Variants in UBAC2 observed in about 807,000 individuals in gnomAD.
UBAC2 encodes UBA domain containing 2, also known as ubiquitin-associated domain-containing protein 2.
UBAC2 carries 26 observed loss-of-function variants against 44.0 expected under a neutral mutation model. The ratio of observed to expected loss-of-function variants is 0.59; its 90% CI spans 0.43 to 0.82. UBAC2 has a LOEUF of 0.82. Ranked by LOEUF, UBAC2 falls within the 40% of genes least tolerant of loss-of-function variation. The pLI is 0.00. For missense variants in UBAC2, 329 were observed against 419.4 expected (o/e 0.78, Z 1.88); for synonymous variants, 155 against 154.3 (o/e 1.00, Z -0.04).
intron 4 of UBAC2, chr13:99,258,317 G>A (rs2043603679): frequency 6.6e-6 from 1 of 152,346 alleles, no homozygotes; most frequent in Non-Finnish European, 1.5e-5. Flanking sequence ...GCTTTAAAAA[G>A]TAGTTTCCAG....
chr13:99,282,519 AT>A (rs2043966841), intron 4 of UBAC2, among the ~76,000 whole-genome samples: 1 of 152,230 alleles, frequency 6.6e-6, no homozygotes, highest in Non-Finnish European at 1.5e-5. Context: ...GACTTCAAAC[AT>A]TTGAGTGTGT....
chr13:99,235,604 C>G (rs1443093486), intron 1 of UBAC2, among the ~76,000 whole-genome samples: 1 of 152,108 alleles, frequency 6.6e-6, no homozygotes, highest in Non-Finnish European at 1.5e-5. Flanking sequence ...ATTAGAAGAC[C>G]AAGATACAAA....
chr13:99,344,112 A>G (rs1283931001), intron 7 of UBAC2, among the ~76,000 whole-genome samples: 1 of 152,196 alleles, frequency 6.6e-6, no homozygotes, highest in Non-Finnish European at 1.5e-5. Context: ...GTCCTATAGT[A>G]AGTACTCAGT....
chr13:99,374,454 C>G (rs970135120), intron 8 of UBAC2, among the ~76,000 whole-genome samples: 2 of 152,290 alleles, frequency 1.3e-5, no homozygotes, highest in East Asian at 3.9e-4. Context: ...TCACATGACA[C>G]GTCGTGTGGA....
At chr13:99,350,241 GC>G (rs2045061686) in intron 7 of UBAC2, among the ~76,000 whole-genome samples, 1 of 151,972 alleles carries the variant, frequency 6.6e-6, no homozygotes, top group South Asian at 2.1e-4. Flanking sequence ...AAACAGTTGT[GC>G]CTTCAGTTTC....
At chr13:99,336,985 A>C (rs2044798411) in intron 6 of UBAC2, among the ~76,000 whole-genome samples, 1 of 140,792 alleles carries the variant, frequency 7.1e-6, no homozygotes, top group Non-Finnish European at 1.5e-5. Context: ...CCCTTCTGTG[A>C]CCCCTCCTAG....
chr13:99,252,430 G>C (rs1209467699), intron 4 of UBAC2, among the ~76,000 whole-genome samples: 1 of 152,190 alleles, frequency 6.6e-6, no homozygotes, highest in African/African-American at 2.4e-5. Context: ...TGTAAGGGAA[G>C]GCCTTTGAAC....
At chr13:99,366,360 C>T (rs1219210928) in intron 7 of UBAC2, among the ~76,000 whole-genome samples, 1 of 152,062 alleles carries the variant, frequency 6.6e-6, no homozygotes, top group East Asian at 1.9e-4. Flanking sequence ...TGAGTTTTTC[C>T]CCACTGGAGC....
At chr13:99,213,115 T>A (rs1327616616) in intron 1 of UBAC2, among the ~76,000 whole-genome samples, 7 of 152,192 alleles carry the variant, frequency 4.6e-5, no homozygotes, top group Admixed American at 3.3e-4. Context: ...CATATACCTA[T>A]ACATTTGATT....
chr13:99,291,247 T>G (rs2138707352), intron 4 of UBAC2, among the ~76,000 whole-genome samples: 1 of 152,276 alleles, frequency 6.6e-6, no homozygotes, highest in Middle Eastern at 3.4e-3. Context: ...ATCAGCAAGG[T>G]CTTAATCGAA....
Position 99,274,400 on chromosome 13 carries a change from C to A in UBAC2, c.389+29776C>A, listed in dbSNP as rs11838974. On this transcript the variant is annotated intron_variant, in intron 4 of 8. Coordinates refer to ENST00000403766, the MANE Select transcript of UBAC2 (RefSeq NM_001144072.2). ...AGGCTGGAGTGCAGTGGCATGATCACAGCAGCCTCGACCTCCTGGGCTCAA... is the reference window on the plus strand; with the variant it reads ...AGGCTGGAGTGCAGTGGCATGATCAAAGCAGCCTCGACCTCCTGGGCTCAA... Among the ~76,000 whole-genome samples the A allele has an allele frequency of 3.7e-3, 565 of 151,812 alleles. 5 individuals are homozygous for A. The highest frequency in any genetic ancestry group is 0.011 in the South Asian group (51 of 4,802).
chr13:99,306,699 A>G (rs1019928373), intron 4 of UBAC2, among the ~76,000 whole-genome samples: 1 of 152,210 alleles, frequency 6.6e-6, no homozygotes, highest in African/African-American at 2.4e-5. Flanking sequence ...TAGAAAAGAT[A>G]CGTTTAGTCT....
At chr13:99,374,490 A>G (rs2045453357) in intron 8 of UBAC2, among the ~76,000 whole-genome samples, 1 of 152,200 alleles carries the variant, frequency 6.6e-6, no homozygotes, top group Admixed American at 6.5e-5. Context: ...TGAGATATCC[A>G]TTAGCCCAAG....
At chr13:99,244,657 AACT>A in intron 4 of UBAC2, 33 bp downstream of exon 4, 1 of 1,286,590 alleles carries the variant, frequency 7.8e-7, no homozygotes. Context: ...CTTAATTTAG[AACT>A]ACTTGAATCT....
intron 4 of UBAC2, among the ~76,000 whole-genome samples, chr13:99,279,192 C>G (rs1265966850): frequency 6.6e-6 from 1 of 152,104 alleles, no homozygotes; most frequent in Non-Finnish European, 1.5e-5. Context: ...CCCCACTCCT[C>G]TTCCCCTCCC....
intron 1 of UBAC2, among the ~76,000 whole-genome samples, chr13:99,234,186 T>C (rs1369064784): frequency 6.2e-5 from 8 of 129,034 alleles, no homozygotes; most frequent in African/African-American, 1.4e-4. Flanking sequence ...TTTTTTTTTT[T>C]TTTTTTTTTT....
chr13:99,260,680 A>G (rs1025812844), intron 4 of UBAC2, among the ~76,000 whole-genome samples: 4 of 152,206 alleles, frequency 2.6e-5, no homozygotes, highest in African/African-American at 9.6e-5. Flanking sequence ...TGTATAATGT[A>G]GACACAAGTT....
intron 4 of UBAC2, among the ~76,000 whole-genome samples, chr13:99,305,388 C>T (rs2044318325): frequency 6.6e-6 from 1 of 152,154 alleles, no homozygotes; most frequent in Non-Finnish European, 1.5e-5. Context: ...CAGGCCACGT[C>T]CAGGGCTGCC....
At chr13:99,335,980 C>G (rs2044783217) in intron 6 of UBAC2, among the ~76,000 whole-genome samples, 1 of 151,228 alleles carries the variant, frequency 6.6e-6, no homozygotes, top group Non-Finnish European at 1.5e-5. Flanking sequence ...ATGGCAACAC[C>G]TCATTCTCCA....
Sources: gnomAD v4.1 joint callset for allele counts (sites outside exome capture counted in the v4.1 genomes callset) on GRCh38, gnomAD v4.1.1 for gene constraint, MANE v1.5 for transcripts, NCBI Gene and HGNC (gene_info 2026-07-23, HGNC 2026-07-21) for gene names.